Variants in CATSPERT observed in about 807,000 individuals in gnomAD.
CATSPERT encodes catsper channel auxiliary subunit tau.
chr2:201,530,960 G>GTTTTTTT, the CATSPERT span, among the ~76,000 whole-genome samples: 5 of 82,480 alleles, frequency 6.1e-5, no homozygotes, highest in Non-Finnish European at 1.4e-4. Flanking sequence ...GTTTTTTGTG[G>GTTTTTTT]GTTTTTTTTT....
the CATSPERT span, chr2:201,618,971 C>A: frequency 6.2e-6 from 10 of 1,613,852 alleles, no homozygotes; most frequent in Non-Finnish European, 8.5e-6. Context: ...TGGTTCAGGG[C>A]GTAAGGGACC....
chr2:201,566,014 G>GA, the CATSPERT span: 1 of 665,894 alleles, frequency 1.5e-6, no homozygotes, highest in South Asian at 3.6e-5. Context: ...CTAGAGCTAG[G>GA]AAAAAAGCCA....
At chr2:201,598,071 A>T in the CATSPERT span, among the ~76,000 whole-genome samples, 1 of 152,102 alleles carries the variant, frequency 6.6e-6, no homozygotes, top group Non-Finnish European at 1.5e-5. Context: ...CGCCTGTATT[A>T]ATCATGGTTT....
the CATSPERT span, among the ~76,000 whole-genome samples, chr2:201,564,471 CA>C: frequency 2.0e-5 from 3 of 152,068 alleles, no homozygotes; most frequent in Non-Finnish European, 4.4e-5. Flanking sequence ...ACAGAAGATC[CA>C]GATAATGAAA....
At chr2:201,547,690 G>T in the CATSPERT span, 1 of 667,450 alleles carries the variant, frequency 1.5e-6, no homozygotes. Flanking sequence ...AAGAATACTT[G>T]CAATGTGATC....
chr2:201,520,759 C>G, the CATSPERT span, among the ~76,000 whole-genome samples: 2 of 151,804 alleles, frequency 1.3e-5, no homozygotes, highest in Admixed American at 6.6e-5. Context: ...AGTAGTGGAG[C>G]ATGCCTGTAA....
At chr2:201,492,109 C>G in the CATSPERT span, 6 of 1,526,152 alleles carry the variant, frequency 3.9e-6, no homozygotes, top group Non-Finnish European at 4.4e-6. Flanking sequence ...TTCTTTCTCT[C>G]GAATCAATTC....
At chr2:201,603,165 T>C in the CATSPERT span, 79 of 1,511,388 alleles carry the variant, frequency 5.2e-5, no homozygotes, top group African/African-American at 5.8e-4. Context: ...AATGCAGCAA[T>C]GGATAACTGA....
chr2:201,493,420 T>C, the CATSPERT span: 1 of 1,537,216 alleles, frequency 6.5e-7, no homozygotes, highest in Admixed American at 2.0e-5. Flanking sequence ...ATAATACTCT[T>C]GGGAATCCTT....
At chr2:201,618,918 G>A in the CATSPERT span, 235 of 1,613,578 alleles carry the variant, frequency 1.5e-4, no homozygotes, top group Middle Eastern at 9.9e-4. Flanking sequence ...GCCGGTGCCC[G>A]GTGCCCTCCT....
chr2:201,600,425 A>C, the CATSPERT span, among the ~76,000 whole-genome samples: 1 of 152,202 alleles, frequency 6.6e-6, no homozygotes, highest in South Asian at 2.1e-4. Context: ...ATCACACACC[A>C]GGGCCTGTAG....
the CATSPERT span, among the ~76,000 whole-genome samples, chr2:201,593,165 G>C: frequency 1.8e-4 from 27 of 152,004 alleles, 1 homozygote; most frequent in East Asian, 4.9e-3. Flanking sequence ...GTGTCCCAGA[G>C]ATTCTGGTAT....
the CATSPERT span, chr2:201,555,820 G>T: frequency 6.6e-6 from 1 of 152,094 alleles, no homozygotes; most frequent in Non-Finnish European, 1.5e-5. Context: ...ACTATGTGTA[G>T]TCACAGCACC....
chr2:201,599,229 G>A, the CATSPERT span, among the ~76,000 whole-genome samples: 5 of 152,060 alleles, frequency 3.3e-5, no homozygotes, highest in South Asian at 1.0e-3. Flanking sequence ...TAAATCCTGG[G>A]TGCAATTTTA....
At chr2:201,530,750 C>T in the CATSPERT span, among the ~76,000 whole-genome samples, 1 of 152,156 alleles carries the variant, frequency 6.6e-6, no homozygotes, top group African/African-American at 2.4e-5. Flanking sequence ...ACCACTTACC[C>T]TTTGTGGAAA....
the CATSPERT span, among the ~76,000 whole-genome samples, chr2:201,588,597 T>A: frequency 9.0e-6 from 1 of 111,194 alleles, no homozygotes; most frequent in Non-Finnish European, 1.9e-5. Flanking sequence ...GGTTCCCTAC[T>A]CTTTTTTTTT....
At chr2:201,553,418 T>C in the CATSPERT span, 1 of 152,202 alleles carries the variant, frequency 6.6e-6, no homozygotes, top group Non-Finnish European at 1.5e-5. Context: ...AATGACTCAA[T>C]ATTCTTCATA....
At chr2:201,597,058 C>A in the CATSPERT span, among the ~76,000 whole-genome samples, 1 of 152,118 alleles carries the variant, frequency 6.6e-6, no homozygotes, top group African/African-American at 2.4e-5. Flanking sequence ...TAAATATCTT[C>A]CTCTAAAAAG....
chr2:201,618,462 A>G, the CATSPERT span, among the ~76,000 whole-genome samples: 1 of 151,182 alleles, frequency 6.6e-6, no homozygotes, highest in South Asian at 2.1e-4. Flanking sequence ...TCGCAAGGAC[A>G]GAAAACCAAA....
Sources: gnomAD v4.1 joint callset for allele counts (sites outside exome capture counted in the v4.1 genomes callset) on GRCh38, gnomAD v4.1.1 for gene constraint, MANE v1.5 for transcripts, NCBI Gene and HGNC (gene_info 2026-07-23, HGNC 2026-07-21) for gene names.